The following MXRA7 variants were observed in gnomAD, a reference collection of about 807,000 sequenced individuals.
MXRA7 encodes the protein matrix-remodeling-associated protein 7.
MXRA7 carries 18 observed loss-of-function variants against 17.4 expected under a neutral mutation model. That is an observed-to-expected ratio of 1.03 (90% confidence interval 0.71 to 1.53). The LOEUF (loss-of-function observed/expected upper bound fraction) is 1.53, where lower values mean the gene tolerates loss of function less well. Among genes scored for constraint, MXRA7 ranks in the 40% most tolerant of loss-of-function variants. The pLI is 0.00. For missense variants in MXRA7, 141 were observed against 209.3 expected, an observed-to-expected ratio of 0.67 and a Z score of 2.01; for synonymous variants, 70 against 101.7, an observed-to-expected ratio of 0.69 and a Z score of 1.87.
intron 1 of MXRA7, among the ~76,000 whole-genome samples, chr17:76,699,189 G>A (rs1406153515): frequency 6.6e-6 from 1 of 152,088 alleles, no homozygotes; most frequent in African/African-American, 2.4e-5. Flanking sequence ...CTGTAGCCCA[G>A]GCTGGAGTGC....
At chr17:76,696,877 G>A (rs920441194) in intron 1 of MXRA7, among the ~76,000 whole-genome samples, 1 of 152,136 alleles carries the variant, frequency 6.6e-6, no homozygotes, top group Admixed American at 6.5e-5. Flanking sequence ...TCCTGGAGGC[G>A]GCACGAACCC....
intron 1 of MXRA7, among the ~76,000 whole-genome samples, chr17:76,707,889 T>C (rs8064678): frequency 0.34 from 51,017 of 152,112 alleles, 9,151 homozygotes; most frequent in Middle Eastern, 0.48. Flanking sequence ...CATGATTCTT[T>C]GCGTGAACAG....
chr17:76,698,244 C>T (rs1239239937), intron 1 of MXRA7, among the ~76,000 whole-genome samples: 1 of 152,210 alleles, frequency 6.6e-6, no homozygotes, highest in East Asian at 1.9e-4. Flanking sequence ...GGGGCCTGCC[C>T]AGGCCCCCCA....
chr17:76,688,217 G>A (rs2076426821), intron 1 of MXRA7, 41 bp from the exon 2 acceptor site: 1 of 1,612,670 alleles, frequency 6.2e-7, no homozygotes, highest in Admixed American at 1.7e-5. Flanking sequence ...GGCACAGACT[G>A]GGTGATGGGA....
downstream of MXRA7, chr17:76,676,537 T>TG (rs2076242551): frequency 6.6e-6 from 1 of 151,000 alleles, no homozygotes. Context: ...CCGAGGCAGG[T>TG]GGATCACCTG....
chr17:76,709,922 G>A (rs969125954), intron 1 of MXRA7: 14 of 152,688 alleles, frequency 9.2e-5, no homozygotes, highest in African/African-American at 3.1e-4. Context: ...GCTCCAGGAG[G>A]GCTTTATCCT....
chr17:76,693,241 G>A (rs1422104689), intron 1 of MXRA7, among the ~76,000 whole-genome samples: 15 of 148,556 alleles, frequency 1.0e-4, no homozygotes, highest in Admixed American at 8.7e-4. Context: ...AGGCCGAGGC[G>A]GATGGATCAC....
chr17:76,692,126 C>T (rs1338056426), intron 1 of MXRA7, among the ~76,000 whole-genome samples: 11 of 151,558 alleles, frequency 7.3e-5, no homozygotes, highest in African/African-American at 1.5e-4. Context: ...GAGGCAGGTG[C>T]GTCGCTTGAG....
chr17:76,688,725 T>C (rs911760612), intron 1 of MXRA7: 3 of 1,199,128 alleles, frequency 2.5e-6, no homozygotes, highest in Non-Finnish European at 2.1e-6. Flanking sequence ...ATCAGAGGAA[T>C]GGCCCGGGAT....
At chr17:76,702,071 T>C (rs766093343) in intron 1 of MXRA7, among the ~76,000 whole-genome samples, 4 of 152,174 alleles carry the variant, frequency 2.6e-5, no homozygotes, top group Non-Finnish European at 5.9e-5. Flanking sequence ...GTGCTACATT[T>C]TGAGATAGAG....
At chr17:76,691,250 G>A (rs73996676) in intron 1 of MXRA7, among the ~76,000 whole-genome samples, 3,172 of 152,264 alleles carry the variant, frequency 0.021, 106 homozygotes, top group African/African-American at 0.071. Flanking sequence ...AGGGGGTAGC[G>A]TACCCCAACT....
At chr17:76,698,340 A>G (rs1199669119) in intron 1 of MXRA7, among the ~76,000 whole-genome samples, 3 of 150,518 alleles carry the variant, frequency 2.0e-5, no homozygotes, top group Non-Finnish European at 4.4e-5. Flanking sequence ...TTAGCCAATC[A>G]GCTGCTCATC....
At chr17:76,699,941 G>A (rs759186853) in intron 1 of MXRA7, among the ~76,000 whole-genome samples, 1 of 152,172 alleles carries the variant, frequency 6.6e-6, no homozygotes, top group Non-Finnish European at 1.5e-5. Context: ...AAGGGATCCA[G>A]TGTTTTATTA....
intron 1 of MXRA7, 176 bp from the exon 2 acceptor site, chr17:76,688,352 G>A (rs1310292138): frequency 8.3e-6 from 12 of 1,442,002 alleles, no homozygotes; most frequent in Admixed American, 2.8e-5. Flanking sequence ...GTGTACAAAC[G>A]ATGGGCCAAA....
At chr17:76,705,592 G>T (rs546440215) in intron 1 of MXRA7, among the ~76,000 whole-genome samples, 1 of 152,262 alleles carries the variant, frequency 6.6e-6, no homozygotes, top group East Asian at 1.9e-4. Flanking sequence ...TGGAGGTGGG[G>T]GTCTTTGGGA....
intron 1 of MXRA7, chr17:76,689,248 G>A (rs2076449383): frequency 6.6e-6 from 1 of 152,166 alleles, no homozygotes; most frequent in Non-Finnish European, 1.5e-5. Context: ...CGCCACCCAA[G>A]CCCAGCTAAT....
At chr17:76,674,995 G>T (rs1368559755), downstream of MXRA7, 3 of 152,230 alleles carry the variant, frequency 2.0e-5, no homozygotes, top group Non-Finnish European at 2.9e-5. Flanking sequence ...GAGAACTGCA[G>T]CTTGAGCTCC....
chr17:76,708,834 T>C (rs955340454), intron 1 of MXRA7, among the ~76,000 whole-genome samples: 3 of 152,058 alleles, frequency 2.0e-5, no homozygotes, highest in African/African-American at 7.2e-5. Flanking sequence ...TGGGGTGGGT[T>C]CTCTCTGGAG....
At chr17:76,694,880 A>G (rs1233083932) in intron 1 of MXRA7, among the ~76,000 whole-genome samples, 2 of 151,908 alleles carry the variant, frequency 1.3e-5, no homozygotes, top group African/African-American at 2.4e-5. Flanking sequence ...TTTTTAAAAA[A>G]TAACGGGGGC....
Sources: allele counts gnomAD v4.1 joint callset (sites outside exome capture counted in the v4.1 genomes callset), GRCh38; gene constraint gnomAD v4.1.1; transcripts MANE v1.5; gene names NCBI Gene and HGNC (gene_info 2026-07-23, HGNC 2026-07-21).